The following GRID2 variants were observed in gnomAD, a reference collection of about 807,000 sequenced individuals.
The protein encoded by GRID2 is glutamate ionotropic receptor delta type subunit 2, also known as glutamate receptor ionotropic, delta-2.
A neutral mutation model predicts 114.8 loss-of-function variants in GRID2; 33 were observed. The ratio of observed to expected loss-of-function variants is 0.29; its 90% CI spans 0.22 to 0.38. The LOEUF (loss-of-function observed/expected upper bound fraction) is 0.38, where lower values mean the gene tolerates loss of function less well. GRID2 is among the 10% of genes least tolerant of loss of function. The pLI is 1.00. For missense variants in GRID2, 1,184 were observed against 1,257.7 expected (o/e 0.94, Z 0.89); for synonymous variants, 505 against 449.9 (o/e 1.12, Z -1.55).
intron 8 of GRID2, among the ~76,000 whole-genome samples, chr4:93,257,579 CTCTTA>C (rs1248471363): frequency 2.0e-5 from 3 of 151,420 alleles, no homozygotes; most frequent in Non-Finnish European, 4.4e-5. Context: ...AAATATATTT[CTCTTA>C]TCTTCAAGAA....
chr4:93,032,315 A>G (rs1724513410), intron 2 of GRID2, among the ~76,000 whole-genome samples: 1 of 152,220 alleles, frequency 6.6e-6, no homozygotes, highest in African/African-American at 2.4e-5. Context: ...AGAAAAAAGA[A>G]GATAGAACTG....
intron 4 of GRID2, among the ~76,000 whole-genome samples, chr4:93,170,078 A>G (rs1352591476): frequency 6.6e-6 from 1 of 152,076 alleles, no homozygotes; most frequent in Admixed American, 6.6e-5. Context: ...ACTTCACATC[A>G]TCACATAACC....
At chr4:93,254,472 A>G (rs1749344209) in intron 8 of GRID2, among the ~76,000 whole-genome samples, 1 of 152,138 alleles carries the variant, frequency 6.6e-6, no homozygotes, top group African/African-American at 2.4e-5. Flanking sequence ...GCAATTCTTA[A>G]TCAGAAACTA....
chr4:93,199,470 C>T (rs1209998748), intron 4 of GRID2, among the ~76,000 whole-genome samples: 3 of 152,126 alleles, frequency 2.0e-5, no homozygotes, highest in Non-Finnish European at 4.4e-5. Flanking sequence ...ATTTTCATCT[C>T]CCACAGGGTG....
chr4:93,669,149 G>A (rs1250145637), intron 14 of GRID2, among the ~76,000 whole-genome samples: 4 of 152,010 alleles, frequency 2.6e-5, no homozygotes, highest in African/African-American at 9.7e-5. Context: ...ATTTTCTAAT[G>A]AGAAAATAAT....
intron 8 of GRID2, among the ~76,000 whole-genome samples, chr4:93,378,695 GATTCCAAATTTTT>G (rs1308930337): frequency 6.6e-6 from 1 of 152,046 alleles, no homozygotes; most frequent in African/African-American, 2.4e-5. Context: ...GATCTCTTAA[GATTCCAAATTTTT>G]ATTCCAAATT....
Position 93,383,670 on chromosome 4 carries a change from G to T in GRID2, c.1246-11937G>T, listed in dbSNP as rs1764067997. On this transcript the variant is annotated intron_variant, in intron 8 of 15. Coordinates refer to ENST00000282020, the MANE Select transcript of GRID2 (RefSeq NM_001510.4). Reference sequence around the variant, plus strand: ...ACCAGCTGTAATTCTAATTTTTGTTGTTAGTGGACTATGGCTGTGAGAAAT... The same window carrying T: ...ACCAGCTGTAATTCTAATTTTTGTTTTTAGTGGACTATGGCTGTGAGAAAT... Among the ~76,000 whole-genome samples, 4 of 152,106 alleles carry T rather than the reference G, an allele frequency of 2.6e-5. No individual in the cohort carries two copies. In the South Asian group the frequency reaches 8.3e-4, roughly 31 times the overall value.
At chr4:92,982,636 C>A (rs1286481117) in intron 2 of GRID2, among the ~76,000 whole-genome samples, 1 of 152,008 alleles carries the variant, frequency 6.6e-6, no homozygotes, top group Non-Finnish European at 1.5e-5. Flanking sequence ...TAGTCTTCTG[C>A]CTCCTCTCAA....
intron 13 of GRID2, among the ~76,000 whole-genome samples, chr4:93,570,626 T>C (rs1028669032): frequency 1.3e-5 from 2 of 152,196 alleles, no homozygotes; most frequent in African/African-American, 4.8e-5. Flanking sequence ...TTACATTATG[T>C]ACATTTCAGA....
At chr4:93,431,994 CT>C (rs778920673) in intron 10 of GRID2, among the ~76,000 whole-genome samples, 7 of 152,110 alleles carry the variant, frequency 4.6e-5, no homozygotes, top group Non-Finnish European at 1.0e-4. Flanking sequence ...GACAAAGATA[CT>C]TTCTTATTCC....
intron 4 of GRID2, among the ~76,000 whole-genome samples, chr4:93,141,512 A>T (rs1033258599): frequency 3.9e-5 from 6 of 152,206 alleles, no homozygotes; most frequent in Non-Finnish European, 8.8e-5. Flanking sequence ...ATGTCTGTAT[A>T]CTTAAAATAG....
At chr4:93,424,793 G>A (rs543316547) in intron 10 of GRID2, among the ~76,000 whole-genome samples, 23 of 152,080 alleles carry the variant, frequency 1.5e-4, no homozygotes, top group Admixed American at 4.6e-4. Flanking sequence ...GAGGCTCAGA[G>A]AATATTCAAG....
chr4:93,567,260 C>CATTTTACATTGTTTACAATGTATTTTA (rs1735517891), intron 13 of GRID2, among the ~76,000 whole-genome samples: 1 of 152,198 alleles, frequency 6.6e-6, no homozygotes, highest in Non-Finnish European at 1.5e-5. Context: ...CCCCCACATT[C>CATTTTACATTGTTTACAATGTATTTTA]CTATTTACAA....
chr4:92,989,296 A>T lies in GRID2; in HGVS notation c.245-95699A>T, dbSNP rs979591400. Among the ~76,000 whole-genome samples, 20 of 146,058 alleles carry T rather than the reference A, an allele frequency of 1.4e-4. 1 individual carries two copies. The highest frequency in any genetic ancestry group is 4.6e-4 in the African/African-American group (18 of 38,816). ...CATCTCAAAAAAAAAAAAAAAAAAA[A>T]AAAAAATAATAATAATAATCCCATA... is the stretch of plus-strand genomic sequence containing the variant. On this transcript the variant is annotated intron_variant, in intron 2 of 15. Transcript: ENST00000282020.
At chr4:92,472,546 T>C (rs1469897416) in intron 1 of GRID2, among the ~76,000 whole-genome samples, 2 of 152,192 alleles carry the variant, frequency 1.3e-5, no homozygotes, top group African/African-American at 4.8e-5. Context: ...TTCCCACTGG[T>C]AATGTATAAG....
intron 2 of GRID2, among the ~76,000 whole-genome samples, chr4:93,031,488 C>A (rs1001162879): frequency 2.0e-5 from 3 of 152,100 alleles, no homozygotes; most frequent in African/African-American, 7.2e-5. Context: ...TGGCTGTGTT[C>A]CCACCCAAAT....
At chr4:93,548,935 T>A (rs1208761422) in intron 13 of GRID2, among the ~76,000 whole-genome samples, 1 of 152,012 alleles carries the variant, frequency 6.6e-6, no homozygotes, top group African/African-American at 2.4e-5. Context: ...TTTCTTGATT[T>A]AGAGAAGTAA....
At chr4:92,522,370 G>A (rs574655174) in intron 1 of GRID2, among the ~76,000 whole-genome samples, 2 of 151,896 alleles carry the variant, frequency 1.3e-5, no homozygotes, top group Non-Finnish European at 2.9e-5. Context: ...ACGATGCAGG[G>A]CGTTATAAGC....
chr4:92,305,691 G>T (rs1166484718), intron 1 of GRID2, among the ~76,000 whole-genome samples: 1 of 152,152 alleles, frequency 6.6e-6, no homozygotes, highest in Non-Finnish European at 1.5e-5. Flanking sequence ...TGGCCGCGGC[G>T]AGCAGGGGCG....
Sources: gnomAD v4.1 joint callset for allele counts (sites outside exome capture counted in the v4.1 genomes callset) on GRCh38, gnomAD v4.1.1 for gene constraint, MANE v1.5 for transcripts, NCBI Gene and HGNC (gene_info 2026-07-23, HGNC 2026-07-21) for gene names.